The following TBC1D32 variants were observed in gnomAD, a reference collection of about 807,000 sequenced individuals.
TBC1D32 encodes the protein protein broad-minded.
In TBC1D32, 151 loss-of-function variants were observed where a neutral mutation model predicts 170.3. The observed-to-expected ratio is 0.89, with a 90% CI of 0.78 to 1.01. The LOEUF (loss-of-function observed/expected upper bound fraction) is 1.01, where lower values mean the gene tolerates loss of function less well. Ranked by LOEUF, TBC1D32 falls within the 50% of genes least tolerant of loss-of-function variation. The pLI is 0.00. For synonymous variants in TBC1D32, 498 were observed against 488.0 expected, an observed-to-expected ratio of 1.02 and a Z score of -0.27; for missense variants, 1,464 against 1,457.1, an observed-to-expected ratio of 1.00 and a Z score of -0.08.
rs570010852 is a variant in TBC1D32, at chr6:121,168,888, A to G, written c.2571-7832T>C. 3.9e-5 allele frequency among the ~76,000 whole-genome samples: 6 copies of G among 152,202 alleles called. No individual in the cohort carries two copies. In the South Asian group the frequency reaches 1.2e-3, roughly 32 times the overall value. ...GAAGTGAAGGACCTCTTCAAGGTGA[A>G]CTACAAGCCACTGCTCAAAGAAATC... is the stretch of plus-strand genomic sequence containing the variant. On this transcript the variant is annotated intron_variant, in intron 22 of 31. Transcript: ENST00000398212.
chr6:121,082,146 C>T (rs1775705643), intron 31 of TBC1D32, among the ~76,000 whole-genome samples: 1 of 151,932 alleles, frequency 6.6e-6, no homozygotes, highest in Non-Finnish European at 1.5e-5. Context: ...GCACTGAAGA[C>T]ACGAAGATGA....
intron 12 of TBC1D32, among the ~76,000 whole-genome samples, chr6:121,287,697 T>C (rs1010905073): frequency 2.0e-5 from 3 of 152,160 alleles, no homozygotes; most frequent in African/African-American, 7.2e-5. Flanking sequence ...CAACAGAATA[T>C]ACATTCTTCC....
chr6:121,135,727 T>C (rs757129139), intron 24 of TBC1D32, among the ~76,000 whole-genome samples: 1 of 152,162 alleles, frequency 6.6e-6, no homozygotes, highest in African/African-American at 2.4e-5. Flanking sequence ...GGTTATAAAC[T>C]GAATAATTCC....
In TBC1D32 at chr6:121,319,807, C is replaced by A. The variant is rs2128499650; in HGVS notation, c.317+1826G>T. On this transcript the variant is annotated intron_variant, in intron 2 of 31. Coordinates refer to ENST00000398212, the MANE Select transcript of TBC1D32 (RefSeq NM_152730.6). ...AAATTTAAAAATAATGTCATATCAT[C>A]AATATCAAGAGTTAAATGAACTAAA... 3.3e-5 allele frequency among the ~76,000 whole-genome samples: 5 copies of A among 152,192 alleles called. No homozygotes were observed. In the South Asian group the frequency reaches 1.0e-3, roughly 32 times the overall value.
chr6:121,148,250 C>T (rs1018128728), intron 24 of TBC1D32, among the ~76,000 whole-genome samples: 1 of 152,032 alleles, frequency 6.6e-6, no homozygotes, highest in African/African-American at 2.4e-5. Context: ...GTTTCCTGTT[C>T]CTGTGTTAGT....
intron 12 of TBC1D32, among the ~76,000 whole-genome samples, chr6:121,289,540 G>C (rs1256796027): frequency 6.6e-6 from 1 of 152,162 alleles, no homozygotes; most frequent in Non-Finnish European, 1.5e-5. Flanking sequence ...TCATGGGTAG[G>C]AAGAATCAAT....
chr6:121,255,530 T>TATTTA (rs1280529108), intron 16 of TBC1D32, 120 bp from the exon 17 acceptor site: 17 of 241,958 alleles, frequency 7.0e-5, no homozygotes, highest in East Asian at 2.5e-4. Flanking sequence ...TTTATATTTC[T>TATTTA]TACTGATAGC....
chr6:121,227,763 A>G (rs901402106), intron 20 of TBC1D32, among the ~76,000 whole-genome samples: 1 of 152,082 alleles, frequency 6.6e-6, no homozygotes, highest in Non-Finnish European at 1.5e-5. Flanking sequence ...CTATAGAGCT[A>G]TAATTTTCTT....
intron 17 of TBC1D32, 71 bp downstream of exon 17, chr6:121,255,257 T>C (rs1563097422): frequency 3.2e-6 from 3 of 942,106 alleles, no homozygotes; most frequent in Non-Finnish European, 4.6e-6. Context: ...TAGTATTCTA[T>C]TACATTTTAA....
chr6:121,100,502 A>T (rs1452731946), intron 30 of TBC1D32, among the ~76,000 whole-genome samples: 1 of 152,034 alleles, frequency 6.6e-6, no homozygotes, highest in Non-Finnish European at 1.5e-5. Flanking sequence ...TGTTGAATTG[A>T]TCCCTTTCAG....
chr6:121,209,163 A>T (rs1242016548), intron 21 of TBC1D32, among the ~76,000 whole-genome samples: 2 of 151,500 alleles, frequency 1.3e-5, no homozygotes, highest in Admixed American at 6.6e-5. Flanking sequence ...AACTCACTTC[A>T]TTGAGGTATA....
chr6:121,130,834 A>G (rs2128217029), intron 25 of TBC1D32, among the ~76,000 whole-genome samples: 1 of 152,250 alleles, frequency 6.6e-6, no homozygotes, highest in South Asian at 2.1e-4. Context: ...TATACTTAGA[A>G]TAGATATTTT....
intron 30 of TBC1D32, among the ~76,000 whole-genome samples, chr6:121,092,180 A>G (rs1224542138): frequency 6.6e-6 from 1 of 152,096 alleles, no homozygotes; most frequent in Non-Finnish European, 1.5e-5. Flanking sequence ...TATAGTCATA[A>G]GAAACAAACA....
chr6:121,308,184 TA>T (rs1398879835), intron 4 of TBC1D32, 83 bp from the exon 5 acceptor site: 1 of 1,306,096 alleles, frequency 7.7e-7, no homozygotes, highest in Non-Finnish European at 1.1e-6. Flanking sequence ...AACAAACTAC[TA>T]AAAGGTAAAG....
chr6:121,314,540 T>C (rs1808662903), intron 3 of TBC1D32, among the ~76,000 whole-genome samples: 2 of 151,808 alleles, frequency 1.3e-5, no homozygotes, highest in African/African-American at 4.8e-5. Context: ...GCAAGAGTAA[T>C]AGGTGACTAT....
intron 29 of TBC1D32, among the ~76,000 whole-genome samples, chr6:121,106,887 T>C (rs555064064): frequency 5.9e-5 from 9 of 152,096 alleles, no homozygotes; most frequent in Non-Finnish European, 1.2e-4. Flanking sequence ...ATTTAGTTCT[T>C]AGGCACAATT....
chr6:121,211,403 T>C (rs1793035373), intron 21 of TBC1D32, among the ~76,000 whole-genome samples: 1 of 152,144 alleles, frequency 6.6e-6, no homozygotes, highest in Non-Finnish European at 1.5e-5. Flanking sequence ...GAGATTCTAA[T>C]GAACCCATCA....
At chr6:121,292,339 T>C (rs1483931641) in intron 11 of TBC1D32, 146 bp from the exon 12 acceptor site, 1 of 747,010 alleles carries the variant, frequency 1.3e-6, no homozygotes, top group Non-Finnish European at 2.0e-6. Flanking sequence ...TTGTTTTCCT[T>C]ATTGTTTCCT....
chr6:121,093,039 A>C (rs552254229), intron 30 of TBC1D32, among the ~76,000 whole-genome samples: 1 of 152,304 alleles, frequency 6.6e-6, no homozygotes, highest in African/African-American at 2.4e-5. Flanking sequence ...GTTAAGTTCC[A>C]AAATCTTTCC....
Sources: gnomAD v4.1 joint callset for allele counts (sites outside exome capture counted in the v4.1 genomes callset) on GRCh38, gnomAD v4.1.1 for gene constraint, MANE v1.5 for transcripts, NCBI Gene and HGNC (gene_info 2026-07-23, HGNC 2026-07-21) for gene names.